TRIM23: variants seen among roughly 807,000 people sequenced by gnomAD.
TRIM23 encodes the protein tripartite motif containing 23.
TRIM23 carries 27 observed loss-of-function variants against 71.0 expected under a neutral mutation model. That is an observed-to-expected ratio of 0.38 (90% CI 0.28 to 0.52). TRIM23 has a LOEUF of 0.52. Among genes scored for constraint, TRIM23 ranks in the 20% least tolerant of loss-of-function variants. TRIM23 has a pLI of 0.84. For synonymous variants in TRIM23, 234 were observed against 238.0 expected (o/e 0.98, Z 0.16); for missense variants, 482 against 692.3 (o/e 0.70, Z 3.41).
At chr5:65,616,779 T>C (rs982778176) in intron 2 of TRIM23, among the ~76,000 whole-genome samples, 3 of 151,970 alleles carry the variant, frequency 2.0e-5, no homozygotes, top group South Asian at 2.1e-4. Context: ...TGGAGGGCAA[T>C]GGCGTGATCT....
chr5:65,610,827 G>C, intron 5 of TRIM23, 34 bp downstream of exon 5: 9 of 1,519,474 alleles, frequency 5.9e-6, no homozygotes, highest in Non-Finnish European at 8.0e-6. Context: ...AAATAAAAAA[G>C]AATGAGAAAG....
chr5:65,595,582 G>C (rs2150621533), intron 9 of TRIM23, among the ~76,000 whole-genome samples: 1 of 147,496 alleles, frequency 6.8e-6, no homozygotes, highest in South Asian at 2.1e-4. Flanking sequence ...AAAAAAATTA[G>C]CTGAATGTGG....
chr5:65,615,650 T>C (rs16894101), intron 2 of TRIM23, among the ~76,000 whole-genome samples: 40,215 of 152,094 alleles, frequency 0.26, 5,923 homozygotes, highest in South Asian at 0.35. Flanking sequence ...TACAACAAGC[T>C]GAGTTCTATC....
In TRIM23 at chr5:65,614,145, T is replaced by TA. The variant is rs781162825; in HGVS notation, c.318dup (p.Ile107TyrfsTer22). ...TCTTCTGCAGCTCCATACTGACCAA[T>TA]AGGCCCATTCTGCAGTCGTTCCAAA... is the stretch of plus-strand genomic sequence containing the variant. On this transcript the variant is annotated frameshift_variant, in exon 3 of 11. Transcript: ENST00000231524. LOFTEE classifies it high-confidence loss of function. 6.2e-7 allele frequency: 1 copy of TA among 1,614,068 alleles called. No individual in the cohort carries two copies. Among genetic ancestry groups the TA allele is most frequent in the Non-Finnish European group, 8.5e-7 (1 of 1,179,984 alleles).
chr5:65,595,385 G>A (rs1474366538), intron 9 of TRIM23, among the ~76,000 whole-genome samples: 6 of 151,766 alleles, frequency 4.0e-5, no homozygotes, highest in Admixed American at 2.0e-4. Context: ...GTGAAACCCC[G>A]TCTCTACTAA....
In TRIM23 at chr5:65,591,588, A is replaced by C; in HGVS notation, c.*181T>G. ...ATCTAATCTGCTCAATTAGAAATTT[A>C]ATTCTGCCACAAAATTTTTTTAAAG... On this transcript the variant is annotated 3_prime_UTR_variant, in exon 11 of 11. Coordinates refer to ENST00000231524, the MANE Select transcript of TRIM23 (RefSeq NM_001656.4). 7.7e-7 allele frequency: 1 copy of C among 1,295,904 alleles called. No individual in the cohort carries two copies. 80.3% of individuals were successfully genotyped at this position (1,295,904 alleles called of 1,614,324 possible).
intron 7 of TRIM23, among the ~76,000 whole-genome samples, chr5:65,597,923 A>C (rs985323214): frequency 6.6e-6 from 1 of 152,194 alleles, no homozygotes; most frequent in African/African-American, 2.4e-5. Flanking sequence ...GGATTCTTGA[A>C]AGGATTAATT....
At chr5:65,592,075 C>G in intron 10 of TRIM23, 127 bp from the exon 11 acceptor site, 1 of 890,434 alleles carries the variant, frequency 1.1e-6, no homozygotes, top group Non-Finnish European at 1.7e-6. Context: ...CTAGATTCAT[C>G]TTTCAGTAAT....
At chr5:65,596,972 C>T in intron 8 of TRIM23, 79 bp downstream of exon 8, 2 of 1,545,464 alleles carry the variant, frequency 1.3e-6, no homozygotes, top group Non-Finnish European at 8.8e-7. Context: ...CATGACAGAT[C>T]AGTATCAAAT....
chr5:65,602,653 C>T (rs989626381), intron 7 of TRIM23, among the ~76,000 whole-genome samples: 2 of 152,056 alleles, frequency 1.3e-5, no homozygotes, highest in South Asian at 4.2e-4. Flanking sequence ...AAACTGGGAA[C>T]AAAAAGAGGT....
chr5:65,610,693 T>G (rs551464721), intron 5 of TRIM23, among the ~76,000 whole-genome samples, 168 bp downstream of exon 5: 1 of 152,322 alleles, frequency 6.6e-6, no homozygotes, highest in South Asian at 2.1e-4. Context: ...TTTCAAACTC[T>G]CTCTTTTCCA....
Position 65,614,233 on chromosome 5 carries a change from AAAAAC to A in TRIM23, c.245-19_245-15del, listed in dbSNP as rs1203283203. On this transcript the variant is annotated splice_polypyrimidine_tract_variant and intron_variant, in intron 2 of 10. Transcript: ENST00000231524. The stretch of plus-strand genomic sequence containing the variant: ...CACCTGAATCACCTAGAATAAATAT[AAAAAC>A]AAAAACTAAATCTAACAAAATGGAC... The A allele has an allele frequency of 6.2e-7, 1 of 1,607,816 alleles. No individual in the cohort carries two copies. The highest frequency in any genetic ancestry group is 1.7e-5 in the Admixed American group (1 of 59,742).
intron 1 of TRIM23, 67 bp downstream of exon 1, chr5:65,624,127 C>A: frequency 8.1e-6 from 13 of 1,600,204 alleles, no homozygotes; most frequent in Non-Finnish European, 1.1e-5. Context: ...GCGGCGATGC[C>A]GCCAGGTCTC....
chr5:65,590,348 G>T lies in TRIM23; in HGVS notation c.*1421C>A. 1 of 1,459,864 alleles carries T rather than the reference G, an allele frequency of 6.8e-7. No homozygotes were observed. Among genetic ancestry groups the T allele is most frequent in the Non-Finnish European group, 9.3e-7 (1 of 1,074,906 alleles). 90.4% of individuals were successfully genotyped at this position (1,459,864 alleles called of 1,614,324 possible). On this transcript the variant is annotated 3_prime_UTR_variant, in exon 11 of 11. Transcript: ENST00000231524. ...TATTACATTTATTTATTTACATATT[G>T]CCCATAATACTGATAGGCTTTTTTT... is the stretch of plus-strand genomic sequence containing the variant.
rs1406084941 is a variant in TRIM23, at chr5:65,609,259, T to C, written c.1028A>G (p.Glu343Gly). 6.2e-7 allele frequency: 1 copy of C among 1,614,090 alleles called. No homozygotes were observed. The highest frequency in any genetic ancestry group is 1.3e-5 in the African/African-American group (1 of 74,950). ...SEVSAACLHC[E>G]KTLQQDDCRV... Reference sequence around the variant, plus strand: ...ACTACCTACCTGCTGCAAAGTCTTTTCACAGTGGAGGCAGGCTGCAGAAAC... The same window carrying C: ...ACTACCTACCTGCTGCAAAGTCTTTCCACAGTGGAGGCAGGCTGCAGAAAC... Residue 343 changes from glutamate to glycine, a missense_variant, in exon 6 of 11, where the codon GAA (glutamate) becomes GGA (glycine). Physicochemically the swap from Glu to Gly is moderately conservative, Grantham distance 98 (BLOSUM62 -2). Transcript: ENST00000231524.
chr5:65,596,068 G>C (rs1754196343), intron 9 of TRIM23, among the ~76,000 whole-genome samples: 1 of 152,092 alleles, frequency 6.6e-6, no homozygotes, highest in African/African-American at 2.4e-5. Context: ...ACTGAATTCA[G>C]CAGAATCATA....
At chr5:65,603,112 A>G (rs938138081) in intron 7 of TRIM23, among the ~76,000 whole-genome samples, 4 of 152,224 alleles carry the variant, frequency 2.6e-5, no homozygotes, top group Non-Finnish European at 4.4e-5. Context: ...AGTCAAATTC[A>G]TAAGGGAAAA....
intron 6 of TRIM23, among the ~76,000 whole-genome samples, chr5:65,605,580 T>C (rs763248335): frequency 6.6e-6 from 1 of 152,290 alleles, no homozygotes; most frequent in East Asian, 1.9e-4. Context: ...CATTTCTATA[T>C]CTATGTTCTA....
In TRIM23 at chr5:65,611,022, C is replaced by T; in HGVS notation, c.667G>A (p.Ala223Thr). 6.2e-7 allele frequency: 1 copy of T among 1,612,926 alleles called. No individual in the cohort carries two copies. The highest frequency in any genetic ancestry group is 8.5e-7 in the Non-Finnish European group (1 of 1,179,700). Residue 223 changes from alanine (A) to threonine (T), a missense_variant, in exon 5 of 11, where the codon GCT (alanine) becomes ACT (threonine). By Grantham distance (58) the Ala-to-Thr change is moderately conservative (BLOSUM62 0). Transcript: ENST00000231524. Reference sequence around the variant, plus strand: ...AAAATTGATGCTCGGATCTGATTAGCTTCTGGTTCCAATACTGAATGCTAT... The same window carrying T: ...AAAATTGATGCTCGGATCTGATTAGTTTCTGGTTCCAATACTGAATGCTAT... ...GHKHSVLEPE[A>T]NQIRASILDM...
Sources: allele counts gnomAD v4.1 joint callset (sites outside exome capture counted in the v4.1 genomes callset), GRCh38; gene constraint gnomAD v4.1.1; transcripts MANE v1.5; gene names NCBI Gene and HGNC (gene_info 2026-07-23, HGNC 2026-07-21).